The following ZFHX3 variants were observed in gnomAD, a reference collection of about 807,000 sequenced individuals.
ZFHX3 encodes zinc finger homeobox protein 3.
A neutral mutation model predicts 279.1 loss-of-function variants in ZFHX3; 42 were observed. The ratio of observed to expected loss-of-function variants is 0.15; its 90% confidence interval spans 0.12 to 0.19. The LOEUF is 0.19. ZFHX3 is among the 10% of genes least tolerant of loss of function. The pLI, the probability that ZFHX3 is intolerant of heterozygous loss-of-function variation, is 1.00. For missense variants in ZFHX3, 4,981 were observed against 4,754.0 expected (o/e 1.05, Z -1.40); for synonymous variants, 2,293 against 1,957.8 (o/e 1.17, Z -4.52).
intron 1 of ZFHX3, among the ~76,000 whole-genome samples, chr16:73,786,349 T>G (rs1016911623): frequency 2.6e-5 from 4 of 152,176 alleles, no homozygotes; most frequent in African/African-American, 9.7e-5. Flanking sequence ...AAAGTTTCCC[T>G]CAAATGTCTG....
Position 72,795,281 on chromosome 16 carries a change from G to C in ZFHX3, c.7401C>G (p.Pro2467=), listed in dbSNP as rs754096945. The C allele has an allele frequency of 6.2e-7, 1 of 1,613,700 alleles. No homozygotes were observed. The highest frequency in any genetic ancestry group is 1.1e-5 in the South Asian group (1 of 91,050). Residue 2467 remains proline, a synonymous_variant, in exon 9 of 10, where the codon CCC becomes CCG. Coordinates refer to ENST00000268489, the MANE Select transcript of ZFHX3 (RefSeq NM_006885.4). ...ACACCAGCTGGGGGAGCTTCTGCTG[G>C]GGAGTGTTGGTCTTCTGCTCGGGCT... The part of the protein sequence containing the change: ...QEQPEQKTNT[P]QQKLPQLVSL...
At chr16:72,880,639 T>C (rs1194969425) in intron 4 of ZFHX3, among the ~76,000 whole-genome samples, 1 of 152,184 alleles carries the variant, frequency 6.6e-6, no homozygotes, top group Non-Finnish European at 1.5e-5. Flanking sequence ...ATATGACAAT[T>C]TTTGATAAAA....
At chr16:73,663,512 G>C (rs890274752) in intron 2 of ZFHX3, among the ~76,000 whole-genome samples, 4 of 152,196 alleles carry the variant, frequency 2.6e-5, no homozygotes, top group African/African-American at 9.7e-5. Context: ...CCAAAGGAAA[G>C]CCACAAACTT....
intron 5 of ZFHX3, among the ~76,000 whole-genome samples, chr16:73,241,254 T>C (rs1206042440): frequency 6.6e-6 from 1 of 152,244 alleles, no homozygotes; most frequent in Non-Finnish European, 1.5e-5. Context: ...TTTTGAGTTA[T>C]ACCATCATGA....
At chr16:73,648,248 T>C (rs899932173) in intron 2 of ZFHX3, among the ~76,000 whole-genome samples, 2 of 152,214 alleles carry the variant, frequency 1.3e-5, no homozygotes, top group Non-Finnish European at 2.9e-5. Context: ...ATAATCTAAA[T>C]TACTCATTTT....
intron 1 of ZFHX3, among the ~76,000 whole-genome samples, chr16:73,704,394 A>G (rs2053283936): frequency 6.6e-6 from 1 of 152,212 alleles, no homozygotes; most frequent in Non-Finnish European, 1.5e-5. Flanking sequence ...CAGAAGAAAG[A>G]AAATGCAAGA....
intron 1 of ZFHX3, among the ~76,000 whole-genome samples, chr16:73,834,186 T>C (rs1304753380): frequency 6.6e-6 from 1 of 152,188 alleles, no homozygotes; most frequent in Non-Finnish European, 1.5e-5. Context: ...GTTCACTTCC[T>C]GTCCCAGGAA....
intron 1 of ZFHX3, among the ~76,000 whole-genome samples, chr16:73,013,574 C>G (rs1044059117): frequency 6.6e-6 from 1 of 152,196 alleles, no homozygotes; most frequent in South Asian, 2.1e-4. Context: ...AGGCCTGAAC[C>G]ACGGTGCCTG....
chr16:73,708,616 T>C lies in ZFHX3; in HGVS notation c.-1607-28376A>G, dbSNP rs116349345. 2.8e-3 allele frequency among the ~76,000 whole-genome samples: 423 copies of C among 152,262 alleles called. 1 individual carries two copies. Among genetic ancestry groups the C allele is most frequent in the African/African-American group, 9.4e-3 (392 of 41,546 alleles). On this transcript the variant is annotated intron_variant, in intron 1 of 17. Transcript: ENST00000641206. Reference sequence around the variant, plus strand: ...GAATTATAATAAGAAATAAGGAATATTTTTCCTCTACCCTCTGAGAATTCT... The same window carrying C: ...GAATTATAATAAGAAATAAGGAATACTTTTCCTCTACCCTCTGAGAATTCT...
chr16:73,888,525 T>C (rs1333041516), intron 1 of ZFHX3, among the ~76,000 whole-genome samples: 1 of 152,172 alleles, frequency 6.6e-6, no homozygotes, highest in Admixed American at 6.5e-5. Flanking sequence ...CAAACAAAAT[T>C]ACCTGGAGCT....
In ZFHX3 at chr16:72,957,583, A is replaced by G. The variant is rs1156507220; in HGVS notation, c.2563T>C (p.Ser855Pro). The change falls in exon 2 of 10, where the codon TCA (serine) becomes CCA (proline). Residue 855 changes from serine (S) to proline (P), a missense_variant. This residue lies in a region of ZFHX3 where 1,751 missense variants were observed against 1,770.0 expected (regional missense o/e 0.99). Coordinates refer to ENST00000268489, the MANE Select transcript of ZFHX3 (RefSeq NM_006885.4). ...TGGTAGAGCTCGGCCTCGGCGGGTG[A>G]GGGCAGGCTGCCGAGGCCCAGGTGG... ...NRHLGLGSLP[S>P]PAEAELYQYY... The G allele has an allele frequency of 1.2e-6, 2 of 1,613,420 alleles. No individual in the cohort carries two copies. The highest frequency in any genetic ancestry group is 1.7e-6 in the Non-Finnish European group (2 of 1,179,894).
intron 2 of ZFHX3, among the ~76,000 whole-genome samples, chr16:73,621,792 A>G (rs140745249): frequency 3.3e-5 from 5 of 152,342 alleles, no homozygotes; most frequent in Admixed American, 1.3e-4. Context: ...CAGATCTTCC[A>G]TTAAAAATGA....
chr16:73,339,142 C>T (rs950091669), intron 3 of ZFHX3, among the ~76,000 whole-genome samples: 4 of 152,204 alleles, frequency 2.6e-5, no homozygotes, highest in African/African-American at 9.6e-5. Flanking sequence ...TGGACCAATA[C>T]ACTTCAGGCC....
intron 8 of ZFHX3, among the ~76,000 whole-genome samples, chr16:73,090,068 T>C (rs937021323): frequency 3.9e-5 from 6 of 152,214 alleles, no homozygotes; most frequent in Non-Finnish European, 7.3e-5. Flanking sequence ...TAATCCGTGC[T>C]CTCCAAGTTC....
At chr16:73,482,535 C>T (rs2018888196) in intron 2 of ZFHX3, among the ~76,000 whole-genome samples, 1 of 152,176 alleles carries the variant, frequency 6.6e-6, no homozygotes, top group African/African-American at 2.4e-5. Flanking sequence ...GGCCAGAGGT[C>T]TCGGGAAGCC....
chr16:73,205,027 T>C (rs1447190190), intron 5 of ZFHX3, among the ~76,000 whole-genome samples: 1 of 152,166 alleles, frequency 6.6e-6, no homozygotes, highest in Non-Finnish European at 1.5e-5. Context: ...CTCTCTGGGC[T>C]GCAGTGTTTA....
chr16:73,019,394 G>A (rs1344590227), intron 1 of ZFHX3, among the ~76,000 whole-genome samples: 5 of 152,032 alleles, frequency 3.3e-5, no homozygotes, highest in South Asian at 2.1e-4. Context: ...GTCTGCACGC[G>A]CACCTGAGTG....
intron 2 of ZFHX3, among the ~76,000 whole-genome samples, chr16:73,485,594 A>C (rs1022180917): frequency 6.6e-6 from 1 of 152,038 alleles, no homozygotes; most frequent in Admixed American, 6.6e-5. Flanking sequence ...ACCCTGCTCG[A>C]CCTTTCTCTC....
intron 7 of ZFHX3, among the ~76,000 whole-genome samples, chr16:73,116,636 C>T (rs1182258584): frequency 2.6e-5 from 4 of 152,144 alleles, no homozygotes; most frequent in Non-Finnish European, 5.9e-5. Flanking sequence ...CTTCTTCCAG[C>T]AGCCTTCAAT....
Sources: allele counts gnomAD v4.1 joint callset (sites outside exome capture counted in the v4.1 genomes callset), GRCh38; gene constraint gnomAD v4.1.1; regional missense constraint gnomAD v4.1.1; transcripts MANE v1.5; gene names NCBI Gene and HGNC (gene_info 2026-07-23, HGNC 2026-07-21).